The following XCR1 variants were observed in gnomAD, a reference collection of about 807,000 sequenced individuals.
XCR1 encodes the protein chemokine XC receptor 1.
For synonymous variants in XCR1, 187 were observed against 188.5 expected (o/e 0.99, Z 0.06); for missense variants, 356 against 424.2 (o/e 0.84, Z 1.41).
intron 3 of XCR1, among the ~76,000 whole-genome samples, chr3:46,068,500 G>C (rs1437538065): frequency 6.6e-6 from 1 of 152,012 alleles, no homozygotes. Flanking sequence ...TATTATGATA[G>C]AGCAGTGATG....
Position 46,017,522 on chromosome 3 carries a change from A to AG in XCR1, c.*3423dup, listed in dbSNP as rs1457276450. ...GTAAGAGAAAACAGAGGTAGAAAAA[A>AG]GGCCAAAAGATGGTCTCCTGTTAAC... On this transcript the variant is annotated 3_prime_UTR_variant, in exon 2 of 2. Transcript: ENST00000309285. 1 of 152,244 alleles carries AG rather than the reference A, an allele frequency of 6.6e-6. No homozygotes were observed. Among genetic ancestry groups the AG allele is most frequent in the Admixed American group, 6.5e-5 (1 of 15,288 alleles). The allele number at this position is 152,244 out of a possible 1,614,324, so 9.4% of individuals were successfully genotyped here. A position where few individuals can be genotyped will look rare whatever the true frequency, so the allele number is the denominator to read the frequency against.
At chr3:46,063,250 T>C (rs923669505) in intron 4 of XCR1, among the ~76,000 whole-genome samples, 4 of 152,124 alleles carry the variant, frequency 2.6e-5, no homozygotes, top group African/African-American at 9.7e-5. Context: ...GATGGTAAAG[T>C]ATCCCTGATC....
At chr3:46,029,269 T>A (rs1021190719), upstream of XCR1, among the ~76,000 whole-genome samples, 3 of 152,192 alleles carry the variant, frequency 2.0e-5, no homozygotes, top group African/African-American at 7.2e-5. Flanking sequence ...AGTGGTGCGA[T>A]CATGGCTCAC....
intron 1 of XCR1, chr3:46,023,932 G>T: frequency 6.7e-7 from 1 of 1,486,234 alleles, no homozygotes; most frequent in Non-Finnish European, 9.3e-7. Flanking sequence ...AGTAGAAAAG[G>T]AGCTGGATGT....
intron 3 of XCR1, among the ~76,000 whole-genome samples, chr3:46,073,227 T>C (rs1698192263): frequency 6.6e-6 from 1 of 152,146 alleles, no homozygotes; most frequent in African/African-American, 2.4e-5. Context: ...ATGACTAATA[T>C]CTCAAAAGTA....
chr3:46,027,683 G>A (rs1708324172), upstream of XCR1: 1 of 152,144 alleles, frequency 6.6e-6, no homozygotes, highest in Admixed American at 6.5e-5. Flanking sequence ...GCAAGCCCTG[G>A]ATAAAGAAAA....
At chr3:46,064,479 A>G (rs1425964643) in intron 4 of XCR1, among the ~76,000 whole-genome samples, 3 of 152,180 alleles carry the variant, frequency 2.0e-5, no homozygotes, top group African/African-American at 7.2e-5. Context: ...TGCTCCTCCC[A>G]CTGAGAGATG....
chr3:46,050,917 G>T, intron 5 of XCR1, among the ~76,000 whole-genome samples: 1 of 152,124 alleles, frequency 6.6e-6, no homozygotes, highest in Non-Finnish European at 1.5e-5. Flanking sequence ...CCATCTTCTG[G>T]ACTTTTTTTG....
At chr3:46,035,089 G>A (rs965936581) in intron 5 of XCR1, among the ~76,000 whole-genome samples, 2 of 152,078 alleles carry the variant, frequency 1.3e-5, no homozygotes, top group African/African-American at 4.8e-5. Context: ...TGAGTAGCTG[G>A]GATTACAGGT....
At chr3:46,031,488 G>A (rs566049220), upstream of XCR1, among the ~76,000 whole-genome samples, 123 of 152,336 alleles carry the variant, frequency 8.1e-4, no homozygotes, top group Admixed American at 3.1e-3. Context: ...TTTGTGCACC[G>A]ATGAGCACAG....
At chr3:46,048,062 T>G (rs2125898845) in intron 5 of XCR1, among the ~76,000 whole-genome samples, 1 of 152,316 alleles carries the variant, frequency 6.6e-6, no homozygotes, top group Middle Eastern at 3.4e-3. Context: ...CAACCATGTT[T>G]GAGCTTGAAT....
intron 5 of XCR1, among the ~76,000 whole-genome samples, chr3:46,053,604 A>T (rs111482718): frequency 2.4e-4 from 36 of 149,470 alleles, no homozygotes; most frequent in African/African-American, 7.6e-4. Context: ...AAACTCCAAG[A>T]GGAGAAAACT....
intron 1 of XCR1, among the ~76,000 whole-genome samples, chr3:46,080,079 A>AAT (rs1698330724): frequency 1.3e-5 from 2 of 151,060 alleles, no homozygotes; most frequent in African/African-American, 4.9e-5. Context: ...TAAAAAAAAA[A>AAT]CCTTTTAACA....
intron 1 of XCR1, among the ~76,000 whole-genome samples, chr3:46,025,737 A>G (rs1477088018): frequency 6.6e-6 from 1 of 152,196 alleles, no homozygotes; most frequent in Admixed American, 6.5e-5. Context: ...TGATTTTTTT[A>G]AACATTTGGG....
intron 3 of XCR1, among the ~76,000 whole-genome samples, chr3:46,074,214 CT>C (rs35124592): frequency 0.074 from 6,380 of 86,416 alleles, 103 homozygotes; most frequent in South Asian, 0.23. Context: ...TGAAGGCCAT[CT>C]TTTTTTTTTT....
At chr3:46,029,428 C>T (rs1708360331), upstream of XCR1, among the ~76,000 whole-genome samples, 1 of 152,162 alleles carries the variant, frequency 6.6e-6, no homozygotes, top group Non-Finnish European at 1.5e-5. Context: ...CTCCTGGGCT[C>T]AAGTGATCTG....
At chr3:46,038,106 C>T (rs1418047152) in intron 5 of XCR1, among the ~76,000 whole-genome samples, 6 of 150,360 alleles carry the variant, frequency 4.0e-5, no homozygotes. Flanking sequence ...TGGCTCACTG[C>T]AAACTCTGCC....
intron 4 of XCR1, among the ~76,000 whole-genome samples, chr3:46,059,097 A>C (rs1234804972): frequency 6.6e-6 from 1 of 152,176 alleles, no homozygotes; most frequent in Non-Finnish European, 1.5e-5. Context: ...GGTAAATATG[A>C]GACAGGCCCG....
intron 5 of XCR1, among the ~76,000 whole-genome samples, chr3:46,048,131 A>G (rs1697670298): frequency 6.6e-6 from 1 of 152,178 alleles, no homozygotes; most frequent in African/African-American, 2.4e-5. Context: ...GAGCCCTTCC[A>G]GTGGAGCGGT....
Sources: allele counts gnomAD v4.1 joint callset (sites outside exome capture counted in the v4.1 genomes callset), GRCh38; gene constraint gnomAD v4.1.1; transcripts MANE v1.5; gene names NCBI Gene and HGNC (gene_info 2026-07-23, HGNC 2026-07-21).